PTPN14: variants seen among roughly 807,000 people sequenced by gnomAD.
PTPN14 encodes protein tyrosine phosphatase non-receptor type 14.
In PTPN14, 53 loss-of-function variants were observed where a neutral mutation model predicts 126.8. The observed-to-expected ratio is 0.42, with a 90% CI of 0.34 to 0.53. The LOEUF (loss-of-function observed/expected upper bound fraction) is 0.53, where lower values mean the gene tolerates loss of function less well. Ranked by LOEUF, PTPN14 falls within the 20% of genes least tolerant of loss-of-function variation. The pLI is 0.08. For synonymous variants in PTPN14, 630 were observed against 599.3 expected (o/e 1.05, Z -0.75); for missense variants, 1,257 against 1,552.9 (o/e 0.81, Z 3.20).
chr1:214,383,237 G>A lies in PTPN14; in HGVS notation c.2544+74C>T. ...AAAACCTACCACGTTCCCTGCATAA[G>A]CCCTGCCCCTTGCTCAGTGCCTGAA... On this transcript the variant is annotated intron_variant, in intron 13 of 18. Transcript: ENST00000366956. This position sits in a 1 kb window ranked among gnomAD's most constrained non-coding sequence, Gnocchi z 4.4. 1.3e-6 allele frequency: 2 copies of A among 1,518,646 alleles called. No individual in the cohort carries two copies. The highest frequency in any genetic ancestry group is 1.8e-6 in the Non-Finnish European group (2 of 1,117,448). The allele number at this position is 1,518,646 out of a possible 1,614,324, so 94.1% of individuals were successfully genotyped here.
chr1:214,412,779 G>A (rs968497603), intron 4 of PTPN14, among the ~76,000 whole-genome samples: 8 of 152,202 alleles, frequency 5.3e-5, no homozygotes, highest in African/African-American at 9.7e-5. Flanking sequence ...CAAATTCCTC[G>A]AGGATCCTCC....
chr1:214,460,450 C>G (rs1660484054), intron 2 of PTPN14, among the ~76,000 whole-genome samples: 2 of 149,926 alleles, frequency 1.3e-5, no homozygotes, highest in Admixed American at 1.3e-4. Context: ...CTGAACTCTG[C>G]CTTTCCCTGA....
chr1:214,372,587 G>T (rs1171543033), intron 16 of PTPN14, 124 bp downstream of exon 16: 4 of 1,357,252 alleles, frequency 2.9e-6, no homozygotes, highest in Non-Finnish European at 4.1e-6. Flanking sequence ...AAAGAGAAAA[G>T]CATGTGCAGA....
At chr1:214,497,803 A>C (rs1438610223) in intron 1 of PTPN14, among the ~76,000 whole-genome samples, 1 of 152,178 alleles carries the variant, frequency 6.6e-6, no homozygotes, top group African/African-American at 2.4e-5. Context: ...CATGCATAGG[A>C]AAAGTTCTGT....
chr1:214,441,772 A>T (rs1006560483), intron 3 of PTPN14, among the ~76,000 whole-genome samples: 6 of 152,182 alleles, frequency 3.9e-5, no homozygotes, highest in South Asian at 2.1e-4. Flanking sequence ...CCTTCTTTTC[A>T]CACCTTTGTT....
intron 3 of PTPN14, among the ~76,000 whole-genome samples, chr1:214,424,653 G>A (rs1373371389): frequency 3.3e-5 from 5 of 151,788 alleles, no homozygotes; most frequent in East Asian, 3.9e-4. Flanking sequence ...TCAGCCTCCC[G>A]AGTAGCTGGG....
intron 17 of PTPN14, among the ~76,000 whole-genome samples, chr1:214,368,907 G>C (rs1189003289): frequency 6.6e-6 from 1 of 152,158 alleles, no homozygotes; most frequent in Non-Finnish European, 1.5e-5. Context: ...GCTTGAATCT[G>C]AGAGGCGGAG....
In PTPN14 at chr1:214,528,171, C is replaced by T. The variant is rs561075598; in HGVS notation, c.-155+23012G>A. 5.3e-5 allele frequency: 8 copies of T among 152,044 alleles called. 1 individual carries two copies. The South Asian group carries it at 1.7e-3, about 32-fold the overall frequency. 9.4% of individuals were successfully genotyped at this position (152,044 alleles called of 1,614,324 possible). A position where few individuals can be genotyped will look rare whatever the true frequency, so the allele number is the denominator to read the frequency against. On this transcript the variant is annotated intron_variant, in intron 1 of 18. Transcript: ENST00000366956. ...ATCCTTGGAAGAGAAGTTTTGGCAA[C>T]GAAGAACATAAAAATGTATATGTTA... is the stretch of plus-strand genomic sequence containing the variant.
chr1:214,539,174 TGTC>T (rs756972786), intron 1 of PTPN14, among the ~76,000 whole-genome samples: 1 of 152,200 alleles, frequency 6.6e-6, no homozygotes, highest in Admixed American at 6.5e-5. Context: ...ACCACAAACA[TGTC>T]TTCTCTATCC....
At chr1:214,385,349 C>A (rs1658583370) in intron 12 of PTPN14, among the ~76,000 whole-genome samples, 3 of 152,120 alleles carry the variant, frequency 2.0e-5, no homozygotes, top group African/African-American at 7.2e-5. Context: ...CAATAAAGGG[C>A]AAAATTAGAA....
intron 3 of PTPN14, among the ~76,000 whole-genome samples, chr1:214,446,083 G>A (rs1238190753): frequency 2.0e-5 from 3 of 151,878 alleles, no homozygotes; most frequent in African/African-American, 7.3e-5. Flanking sequence ...AACCAACAGG[G>A]GAAAACTAAC....
At chr1:214,376,172 T>TA (rs1351214061) in intron 15 of PTPN14, 47 bp downstream of exon 15, 1 of 1,558,818 alleles carries the variant, frequency 6.4e-7, no homozygotes, top group East Asian at 2.2e-5. Flanking sequence ...TTTTTCCCTT[T>TA]AACCCAGCCA....
rs529796466 is a variant in PTPN14, at chr1:214,354,773, T to C, written c.*3149A>G. On this transcript the variant is annotated 3_prime_UTR_variant, in exon 19 of 19. Coordinates refer to ENST00000366956, the MANE Select transcript of PTPN14 (RefSeq NM_005401.5). ...TTGTTGTGAGATGGTAACTTTTTTTTCCTCCATTTTACATTTTCTCCCTTC... is the reference window on the plus strand; with the variant it reads ...TTGTTGTGAGATGGTAACTTTTTTTCCCTCCATTTTACATTTTCTCCCTTC... 2.0e-5 allele frequency: 3 copies of C among 152,332 alleles called. No individual in the cohort carries two copies. Among genetic ancestry groups the C allele is most frequent in the Admixed American group, 6.5e-5 (1 of 15,308 alleles). 9.4% of individuals were successfully genotyped at this position (152,332 alleles called of 1,614,324 possible). A position where few individuals can be genotyped will look rare whatever the true frequency, so the allele number is the denominator to read the frequency against.
At chr1:214,370,903 C>T (rs1460174616) in intron 16 of PTPN14, among the ~76,000 whole-genome samples, 3 of 152,122 alleles carry the variant, frequency 2.0e-5, no homozygotes, top group Non-Finnish European at 4.4e-5. Context: ...TCTTGTAAAG[C>T]CCACTTGTAA....
chr1:214,426,272 G>A (rs151275714), intron 3 of PTPN14, among the ~76,000 whole-genome samples: 42 of 152,112 alleles, frequency 2.8e-4, no homozygotes, highest in African/African-American at 9.4e-4. Context: ...ATCTTCCTAT[G>A]CTGTGATTTC....
intron 9 of PTPN14, 136 bp downstream of exon 9, chr1:214,394,763 C>T: frequency 2.5e-6 from 2 of 795,274 alleles, no homozygotes; most frequent in Non-Finnish European, 4.2e-6. Context: ...ACAGCACTGA[C>T]CAAGTATTAG....
chr1:214,490,420 A>G (rs1008268771), intron 1 of PTPN14, among the ~76,000 whole-genome samples: 4 of 152,234 alleles, frequency 2.6e-5, no homozygotes, highest in Non-Finnish European at 4.4e-5. Flanking sequence ...GTTAAAAATC[A>G]TATTGTTTCA....
At chr1:214,511,009 C>T (rs899951988) in intron 1 of PTPN14, among the ~76,000 whole-genome samples, 4 of 152,026 alleles carry the variant, frequency 2.6e-5, no homozygotes, top group African/African-American at 7.2e-5. Flanking sequence ...CCTGAGTATC[C>T]GTGACTACAG....
intron 5 of PTPN14, among the ~76,000 whole-genome samples, chr1:214,407,602 C>A (rs946260010): frequency 3.9e-5 from 6 of 152,162 alleles, no homozygotes; most frequent in African/African-American, 1.4e-4. Flanking sequence ...TTAGACTGAC[C>A]TCATGCACTA....
Sources: allele counts gnomAD v4.1 joint callset (sites outside exome capture counted in the v4.1 genomes callset), GRCh38; gene constraint gnomAD v4.1.1; non-coding constraint Gnocchi (gnomAD v3.1); transcripts MANE v1.5; gene names NCBI Gene and HGNC (gene_info 2026-07-23, HGNC 2026-07-21).